TENM3: variants seen among roughly 807,000 people sequenced by gnomAD.
TENM3 encodes teneurin transmembrane protein 3.
Under a neutral mutation model 255.1 loss-of-function variants are expected in TENM3, and 63 were observed. That is an observed-to-expected ratio of 0.25 (90% CI 0.20 to 0.30). The LOEUF (loss-of-function observed/expected upper bound fraction) is 0.30. Ranked by LOEUF, TENM3 falls within the 10% of genes least tolerant of loss-of-function variation. The pLI, the probability that TENM3 is intolerant of heterozygous loss-of-function variation, is 1.00. For synonymous variants in TENM3, 1,306 were observed against 1,322.3 expected (o/e 0.99, Z 0.27); for missense variants, 2,929 against 3,461.1 (o/e 0.85, Z 3.86).
At chr4:182,436,100 ACT>A (rs1443392466) in intron 3 of TENM3, among the ~76,000 whole-genome samples, 1 of 151,586 alleles carries the variant, frequency 6.6e-6, no homozygotes, top group Non-Finnish European at 1.5e-5. Flanking sequence ...GGTCGTAGGG[ACT>A]CTCATTTTCT....
At chr4:181,587,779 C>G in the TENM3 span, among the ~76,000 whole-genome samples, 1 of 152,216 alleles carries the variant, frequency 6.6e-6, no homozygotes, top group Non-Finnish European at 1.5e-5. Flanking sequence ...GCTTCCTAAT[C>G]TGAGAGTGAG....
chr4:182,299,139 A>C (rs1761694154), intron 1 of TENM3, among the ~76,000 whole-genome samples: 1 of 151,960 alleles, frequency 6.6e-6, no homozygotes, highest in Non-Finnish European at 1.5e-5. Context: ...GGCATTAAAA[A>C]CACCAGATTA....
intron 4 of TENM3, among the ~76,000 whole-genome samples, chr4:182,621,746 TA>T (rs1727388193): frequency 6.1e-5 from 2 of 32,966 alleles, no homozygotes; most frequent in African/African-American, 9.9e-5. Context: ...TAATATATAA[TA>T]TATTATAATA....
intron 19 of TENM3, among the ~76,000 whole-genome samples, chr4:182,744,989 C>A (rs1761902521): frequency 6.6e-6 from 1 of 151,344 alleles, no homozygotes; most frequent in Non-Finnish European, 1.5e-5. Flanking sequence ...GTAAAGCTGG[C>A]AAAAAGCTAG....
chr4:181,941,654 T>C, the TENM3 span, among the ~76,000 whole-genome samples: 1 of 151,894 alleles, frequency 6.6e-6, no homozygotes, highest in Non-Finnish European at 1.5e-5. Flanking sequence ...TCATCTTTTC[T>C]TTTCATCTGA....
At chr4:182,575,565 G>GA (rs1394812862) in intron 3 of TENM3, among the ~76,000 whole-genome samples, 5 of 151,816 alleles carry the variant, frequency 3.3e-5, no homozygotes, top group Non-Finnish European at 5.9e-5. Flanking sequence ...TCCCTTGAAG[G>GA]AAAAAATGTG....
At chr4:181,929,233 C>T in the TENM3 span, among the ~76,000 whole-genome samples, 3 of 151,982 alleles carry the variant, frequency 2.0e-5, no homozygotes, top group East Asian at 3.9e-4. Context: ...CACAGACTGG[C>T]AAATTGAATA....
intron 3 of TENM3, among the ~76,000 whole-genome samples, chr4:182,488,042 T>G (rs1286408306): frequency 6.6e-6 from 1 of 152,138 alleles, no homozygotes; most frequent in Non-Finnish European, 1.5e-5. Flanking sequence ...GTGCATGTAT[T>G]TTGGATAAGA....
the TENM3 span, chr4:181,975,612 G>A: frequency 6.6e-6 from 1 of 152,266 alleles, no homozygotes; most frequent in East Asian, 2.0e-4. Context: ...TTGGAAGTAG[G>A]TTGTGAGGAG....
chr4:181,749,639 T>A, the TENM3 span, among the ~76,000 whole-genome samples: 4 of 152,184 alleles, frequency 2.6e-5, no homozygotes. Flanking sequence ...TATTATATTT[T>A]GTGCTTTTAT....
the TENM3 span, among the ~76,000 whole-genome samples, chr4:181,712,305 C>T: frequency 6.6e-6 from 1 of 152,006 alleles, no homozygotes; most frequent in Non-Finnish European, 1.5e-5. Context: ...GGGGGTGGAT[C>T]CTTCATAAAT....
At chr4:181,574,595 A>G in the TENM3 span, among the ~76,000 whole-genome samples, 4 of 152,208 alleles carry the variant, frequency 2.6e-5, no homozygotes, top group Non-Finnish European at 4.4e-5. Flanking sequence ...ATTCAGAAGT[A>G]AGTGAGTTCA....
intron 3 of TENM3, among the ~76,000 whole-genome samples, chr4:182,515,325 T>C (rs1737828156): frequency 6.6e-6 from 1 of 152,196 alleles, no homozygotes; most frequent in Non-Finnish European, 1.5e-5. Flanking sequence ...CAAGGATGCA[T>C]GTTAAAGACA....
At chr4:181,734,980 TC>T in the TENM3 span, among the ~76,000 whole-genome samples, 1 of 152,146 alleles carries the variant, frequency 6.6e-6, no homozygotes, top group Non-Finnish European at 1.5e-5. Context: ...TAAAAGAAAA[TC>T]ATTTAAACTT....
chr4:182,065,873 A>G, the TENM3 span, among the ~76,000 whole-genome samples: 3 of 152,186 alleles, frequency 2.0e-5, no homozygotes, highest in Admixed American at 6.5e-5. Context: ...GAATTCCCTC[A>G]TAAGGAAGGT....
At chr4:181,716,400 G>C in the TENM3 span, among the ~76,000 whole-genome samples, 2 of 152,236 alleles carry the variant, frequency 1.3e-5, no homozygotes, top group Admixed American at 1.3e-4. Flanking sequence ...TTCTTACTAA[G>C]TGAAGTCCTG....
chr4:182,523,137 AT>A (rs1272071945), intron 3 of TENM3, among the ~76,000 whole-genome samples: 2 of 151,936 alleles, frequency 1.3e-5, no homozygotes, highest in African/African-American at 4.8e-5. Context: ...TTTAAATTGA[AT>A]AATTTGGCGG....
At chr4:181,844,947 G>A in the TENM3 span, among the ~76,000 whole-genome samples, 1 of 152,176 alleles carries the variant, frequency 6.6e-6, no homozygotes, top group Non-Finnish European at 1.5e-5. Context: ...TGTTCCATTA[G>A]TGATTTTCAA....
At chr4:181,883,417 G>A in the TENM3 span, among the ~76,000 whole-genome samples, 3 of 152,094 alleles carry the variant, frequency 2.0e-5, no homozygotes, top group Non-Finnish European at 2.9e-5. Flanking sequence ...GTATTTTTAT[G>A]TTGTTATGTA....
Sources: gnomAD v4.1 joint callset for allele counts (sites outside exome capture counted in the v4.1 genomes callset) on GRCh38, gnomAD v4.1.1 for gene constraint, MANE v1.5 for transcripts, NCBI Gene and HGNC (gene_info 2026-07-23, HGNC 2026-07-21) for gene names.